ALK: variants seen among roughly 807,000 people sequenced by gnomAD.
The protein encoded by ALK is ALK receptor tyrosine kinase.
A neutral mutation model predicts 163.1 loss-of-function variants in ALK; 74 were observed. That is an observed-to-expected ratio of 0.45 (90% CI 0.38 to 0.55). The LOEUF is 0.55. Ranked by LOEUF, ALK falls within the 20% of genes least tolerant of loss-of-function variation. ALK has a pLI of 0.00. For synonymous variants in ALK, 960 were observed against 843.2 expected, an observed-to-expected ratio of 1.14 and a Z score of -2.40; for missense variants, 2,063 against 2,105.3, an observed-to-expected ratio of 0.98 and a Z score of 0.39.
rs2148141700 is a variant in ALK, at chr2:29,196,774, G to C, written c.4160C>G (p.Thr1387Ser). The change falls in exon 28 of 29, where the codon ACC (threonine) becomes AGC (serine). Residue 1387 changes from threonine (T) to serine (S), a missense_variant. Around this residue, in one of 5 missense-constraint regions of ALK, gnomAD observed 403 missense variants for 366.2 expected, o/e 1.10. Coordinates refer to ENST00000389048, the MANE Select transcript of ALK (RefSeq NM_004304.5). The stretch of plus-strand genomic sequence containing the variant: ...CAAAGGGAGAAAATGTTTTACCTGG[G>C]TGCAGTATTCAATCCTCTCCAAAAT... ...AIILERIEYC[T>S]QDPDVINTAL... 3.1e-6 allele frequency: 5 copies of C among 1,611,884 alleles called. No individual in the cohort carries two copies. The highest frequency in any genetic ancestry group is 4.2e-6 in the Non-Finnish European group (5 of 1,177,942).
intron 9 of ALK, among the ~76,000 whole-genome samples, chr2:29,296,455 T>G: frequency 6.6e-6 from 1 of 152,250 alleles, no homozygotes; most frequent in Non-Finnish European, 1.5e-5. Flanking sequence ...TGATAAGGCC[T>G]GTCCTACCTA....
At chr2:29,815,377 AT>A (rs1489770577) in intron 1 of ALK, among the ~76,000 whole-genome samples, 2 of 152,166 alleles carry the variant, frequency 1.3e-5, no homozygotes, top group African/African-American at 4.8e-5. Flanking sequence ...GGAGCTATTC[AT>A]TAAAGTCTCT....
chr2:29,210,697 GTTATTA>G (rs1170694552), intron 24 of ALK, among the ~76,000 whole-genome samples: 1 of 152,164 alleles, frequency 6.6e-6, no homozygotes, highest in Non-Finnish European at 1.5e-5. Flanking sequence ...GCCTCCCAAA[GTTATTA>G]TTATTAATTT....
At chr2:29,413,588 G>C (rs1669786096) in intron 4 of ALK, among the ~76,000 whole-genome samples, 1 of 152,052 alleles carries the variant, frequency 6.6e-6, no homozygotes, top group African/African-American at 2.4e-5. Flanking sequence ...CTGGAGTGCA[G>C]TGGTGCAATC....
At chr2:29,658,063 G>T (rs1369813597) in intron 3 of ALK, among the ~76,000 whole-genome samples, 1 of 152,060 alleles carries the variant, frequency 6.6e-6, no homozygotes, top group African/African-American at 2.4e-5. Context: ...TAACTACAAG[G>T]CTGAAAAAAC....
intron 3 of ALK, among the ~76,000 whole-genome samples, chr2:29,589,308 G>T (rs1287876126): frequency 6.6e-6 from 1 of 152,146 alleles, no homozygotes; most frequent in East Asian, 1.9e-4. Flanking sequence ...ACAGGTGAGG[G>T]TCACAGGCAG....
At chr2:29,715,317 C>T (rs1230366520) in intron 2 of ALK, among the ~76,000 whole-genome samples, 1 of 152,158 alleles carries the variant, frequency 6.6e-6, no homozygotes, top group African/African-American at 2.4e-5. Context: ...CAGTAACTGC[C>T]AATGGTTTGG....
intron 9 of ALK, among the ~76,000 whole-genome samples, chr2:29,277,548 C>T (rs977716238): frequency 1.3e-5 from 2 of 152,230 alleles, no homozygotes; most frequent in African/African-American, 4.8e-5. Context: ...TTACAGGACC[C>T]AAATCTGGTT....
chr2:29,406,990 T>C (rs1669601161), intron 4 of ALK, among the ~76,000 whole-genome samples: 1 of 152,198 alleles, frequency 6.6e-6, no homozygotes, highest in African/African-American at 2.4e-5. Context: ...TCTGTTCTTT[T>C]TCTTCTTCTG....
intron 4 of ALK, among the ~76,000 whole-genome samples, chr2:29,390,580 A>G (rs1055000778): frequency 7.3e-5 from 11 of 151,530 alleles, no homozygotes; most frequent in African/African-American, 2.4e-4. Flanking sequence ...AAGAAAGAGA[A>G]AAAAAAAAAA....
At chr2:29,814,298 T>G (rs911378026) in intron 1 of ALK, among the ~76,000 whole-genome samples, 20 of 151,956 alleles carry the variant, frequency 1.3e-4, no homozygotes, top group African/African-American at 3.9e-4. Flanking sequence ...TCCTCCCAGT[T>G]CCCTTCATGG....
At chr2:29,241,815 A>T (rs1402724417) in intron 12 of ALK, among the ~76,000 whole-genome samples, 1 of 151,912 alleles carries the variant, frequency 6.6e-6, no homozygotes, top group East Asian at 1.9e-4. Flanking sequence ...TATTAATCTC[A>T]TTTGACAAAT....
Position 29,384,962 on chromosome 2 carries a change from A to T in ALK, c.1155-1103T>A, listed in dbSNP as rs566449070. Among the ~76,000 whole-genome samples, 26 of 152,156 alleles carry T rather than the reference A, an allele frequency of 1.7e-4. 1 individual carries two copies. Among genetic ancestry groups the T allele is most frequent in the African/African-American group, 5.5e-4 (23 of 41,496 alleles). ...GCTACTAGGGAGGCTGAGGCAGGAGAATCACTTGAACCAGGGAGGTGGAGG... is the reference window on the plus strand; with the variant it reads ...GCTACTAGGGAGGCTGAGGCAGGAGTATCACTTGAACCAGGGAGGTGGAGG... On this transcript the variant is annotated intron_variant, in intron 4 of 28. Transcript: ENST00000389048.
chr2:29,872,360 A>G (rs1666598640), intron 1 of ALK, among the ~76,000 whole-genome samples: 2 of 152,222 alleles, frequency 1.3e-5, no homozygotes, highest in Admixed American at 1.3e-4. Context: ...TAGTTAAACT[A>G]GATACAGACG....
chr2:29,646,608 C>T (rs144570807), intron 3 of ALK, among the ~76,000 whole-genome samples: 5 of 152,264 alleles, frequency 3.3e-5, no homozygotes, highest in African/African-American at 9.6e-5. Flanking sequence ...CCTTACTCTG[C>T]TCTAGCCACA....
chr2:29,651,978 A>C (rs1677050677), intron 3 of ALK, among the ~76,000 whole-genome samples: 1 of 152,162 alleles, frequency 6.6e-6, no homozygotes, highest in Non-Finnish European at 1.5e-5. Context: ...GGCATCAATC[A>C]AGATAATTTA....
At chr2:29,891,111 A>G (rs927993466) in intron 1 of ALK, 1 of 152,200 alleles carries the variant, frequency 6.6e-6, no homozygotes, top group African/African-American at 2.4e-5. Flanking sequence ...GCTTGGGGGG[A>G]AACCTAATGG....
rs150608599 is a variant in ALK at position 29,640,872 on chromosome 2, C to T, written c.952+53978G>A. On this transcript the variant is annotated intron_variant, in intron 3 of 28. Transcript: ENST00000389048. Reference sequence around the variant, plus strand: ...AGTCAGGTAGTGAAGGAGAAATAGACATTTAAGCTGAAATCTTAAGGATAA... The same window carrying T: ...AGTCAGGTAGTGAAGGAGAAATAGATATTTAAGCTGAAATCTTAAGGATAA... 1.1e-4 allele frequency among the ~76,000 whole-genome samples: 16 copies of T among 152,198 alleles called. No individual in the cohort carries two copies. In the East Asian group the frequency reaches 3.1e-3, roughly 29 times the overall value.
At chr2:29,715,273 G>A (rs533925435) in intron 2 of ALK, among the ~76,000 whole-genome samples, 2 of 152,312 alleles carry the variant, frequency 1.3e-5, no homozygotes, top group East Asian at 1.9e-4. Context: ...AGCAACGATG[G>A]TGATGACTTG....
Sources: gnomAD v4.1 joint callset for allele counts (sites outside exome capture counted in the v4.1 genomes callset) on GRCh38, gnomAD v4.1.1 for gene constraint, gnomAD v4.1.1 regional missense constraint, MANE v1.5 for transcripts, NCBI Gene and HGNC (gene_info 2026-07-23, HGNC 2026-07-21) for gene names.